The following GPC5 variants were observed in gnomAD, a reference collection of about 807,000 sequenced individuals.
The protein encoded by GPC5 is glypican-5.
In GPC5, 47 loss-of-function variants were observed where a neutral mutation model predicts 53.9. The observed-to-expected ratio is 0.87, with a 90% CI of 0.69 to 1.11. GPC5 has a LOEUF of 1.11. Among genes scored for constraint, GPC5 ranks in the 50% most tolerant of loss-of-function variants. The probability of loss-of-function intolerance (pLI) is 0.00; values close to 1 mark genes in which losing one functional copy is unlikely to be tolerated. For synonymous variants in GPC5, 286 were observed against 263.3 expected, an observed-to-expected ratio of 1.09 and a Z score of -0.84; for missense variants, 748 against 713.1, an observed-to-expected ratio of 1.05 and a Z score of -0.56.
At chr13:92,421,346 C>T (rs951598639) in intron 7 of GPC5, among the ~76,000 whole-genome samples, 1 of 152,146 alleles carries the variant, frequency 6.6e-6, no homozygotes, top group Non-Finnish European at 1.5e-5. Context: ...AAGGGAGACA[C>T]TGTGTTAATC....
chr13:92,684,177 T>C (rs1887187362), intron 7 of GPC5, among the ~76,000 whole-genome samples: 1 of 152,200 alleles, frequency 6.6e-6, no homozygotes, highest in Admixed American at 6.5e-5. Flanking sequence ...ACATAGTATA[T>C]AGGCTTTCAT....
At chr13:92,119,758 A>C (rs1479807821) in intron 6 of GPC5, among the ~76,000 whole-genome samples, 1 of 151,898 alleles carries the variant, frequency 6.6e-6, no homozygotes, top group Non-Finnish European at 1.5e-5. Context: ...TTTGTAAGGA[A>C]AAATAATGCC....
At chr13:91,451,120 A>T (rs1291630559) in intron 2 of GPC5, among the ~76,000 whole-genome samples, 1 of 151,956 alleles carries the variant, frequency 6.6e-6, no homozygotes, top group Non-Finnish European at 1.5e-5. Context: ...CAGCCAACAC[A>T]TTTTTTTTGG....
intron 7 of GPC5, among the ~76,000 whole-genome samples, chr13:92,247,210 C>A (rs2042659099): frequency 6.6e-6 from 1 of 152,076 alleles, no homozygotes; most frequent in African/African-American, 2.4e-5. Context: ...ATGTTAAATA[C>A]CTTTCAGCTT....
intron 7 of GPC5, among the ~76,000 whole-genome samples, chr13:92,759,907 A>G (rs967044867): frequency 1.3e-5 from 2 of 152,092 alleles, no homozygotes; most frequent in African/African-American, 4.8e-5. Flanking sequence ...TAAACAGTTA[A>G]GAGTTTTTAT....
intron 6 of GPC5, among the ~76,000 whole-genome samples, chr13:91,930,981 A>G (rs1490140578): frequency 1.3e-5 from 2 of 152,126 alleles, no homozygotes; most frequent in Non-Finnish European, 2.9e-5. Context: ...AAAAACTTCT[A>G]AACATTATGT....
At chr13:91,934,359 T>G (rs1187734495) in intron 6 of GPC5, among the ~76,000 whole-genome samples, 2 of 151,858 alleles carry the variant, frequency 1.3e-5, no homozygotes, top group East Asian at 3.9e-4. Context: ...AACACTTTTT[T>G]GGGGGTAGGC....
chr13:92,071,535 G>A lies in GPC5; in HGVS notation c.1402-73295G>A, dbSNP rs562170322. ...AGTTACCCTGGTTCCTGCATTATCT[G>A]CTGAGTAAACTTTTCTTATCCCTCT... On this transcript the variant is annotated intron_variant, in intron 6 of 7. Transcript: ENST00000377067. Among the ~76,000 whole-genome samples, 4 of 152,090 alleles carry A rather than the reference G, an allele frequency of 2.6e-5. No homozygotes were observed. The South Asian group carries it at 8.3e-4, about 32-fold the overall frequency.
chr13:92,695,752 G>A (rs1887539183), intron 7 of GPC5, among the ~76,000 whole-genome samples: 1 of 151,400 alleles, frequency 6.6e-6, no homozygotes, highest in Non-Finnish European at 1.5e-5. Flanking sequence ...TGCAGAAAGT[G>A]CAGGTTTGTT....
intron 4 of GPC5, among the ~76,000 whole-genome samples, chr13:91,729,189 G>T (rs569618597): frequency 6.6e-5 from 10 of 152,146 alleles, no homozygotes; most frequent in Non-Finnish European, 1.2e-4. Flanking sequence ...GCTAGAAATG[G>T]TTATCTGTTG....
intron 2 of GPC5, among the ~76,000 whole-genome samples, chr13:91,682,669 G>A (rs534204395): frequency 6.6e-6 from 1 of 152,316 alleles, no homozygotes; most frequent in East Asian, 1.9e-4. Context: ...AAAGGCAGGA[G>A]GGTACAGTCA....
At chr13:91,732,375 T>C (rs1209924249) in intron 4 of GPC5, among the ~76,000 whole-genome samples, 1 of 111,718 alleles carries the variant, frequency 9.0e-6, no homozygotes, top group Non-Finnish European at 1.8e-5. Context: ...CTTTTTGATG[T>C]TTTTTTTTTT....
intron 7 of GPC5, among the ~76,000 whole-genome samples, chr13:92,483,316 G>A (rs1420955054): frequency 2.0e-5 from 3 of 152,288 alleles, no homozygotes; most frequent in Non-Finnish European, 4.4e-5. Context: ...GCTACATGGT[G>A]GAGCCTTTTG....
chr13:92,410,418 C>A (rs1189581171), intron 7 of GPC5, among the ~76,000 whole-genome samples: 1 of 152,202 alleles, frequency 6.6e-6, no homozygotes, highest in East Asian at 1.9e-4. Context: ...GCACACCTGG[C>A]ATGACTCAGG....
chr13:92,081,580 G>A (rs921422297), intron 6 of GPC5, among the ~76,000 whole-genome samples: 1 of 151,964 alleles, frequency 6.6e-6, no homozygotes, highest in Non-Finnish European at 1.5e-5. Flanking sequence ...AGATGAGGAT[G>A]GTCTGTTCAA....
At chr13:92,654,464 T>C (rs573232774) in intron 7 of GPC5, among the ~76,000 whole-genome samples, 1 of 152,262 alleles carries the variant, frequency 6.6e-6, no homozygotes, top group South Asian at 2.1e-4. Flanking sequence ...AAGGCTTAAC[T>C]AGGAGACTGC....
intron 7 of GPC5, among the ~76,000 whole-genome samples, chr13:92,459,328 G>A (rs989367753): frequency 4.6e-5 from 7 of 152,122 alleles, no homozygotes; most frequent in Non-Finnish European, 1.0e-4. Flanking sequence ...ACTAGGGCTC[G>A]TGAGATGTCC....
intron 7 of GPC5, among the ~76,000 whole-genome samples, chr13:92,202,572 G>T (rs910892120): frequency 6.6e-6 from 1 of 152,164 alleles, no homozygotes; most frequent in African/African-American, 2.4e-5. Context: ...GGAGGATATG[G>T]TCATTAAGAA....
At chr13:92,066,514 T>C (rs1228016573) in intron 6 of GPC5, among the ~76,000 whole-genome samples, 1 of 151,896 alleles carries the variant, frequency 6.6e-6, no homozygotes, top group African/African-American at 2.4e-5. Flanking sequence ...GGCAATTAAC[T>C]TTCACGTGAG....
Sources: allele counts gnomAD v4.1 joint callset (sites outside exome capture counted in the v4.1 genomes callset), GRCh38; gene constraint gnomAD v4.1.1; transcripts MANE v1.5; gene names NCBI Gene and HGNC (gene_info 2026-07-23, HGNC 2026-07-21).